BLVRA: variants seen among roughly 807,000 people sequenced by gnomAD.
BLVRA encodes BVR A.
BLVRA carries 22 observed loss-of-function variants against 32.8 expected under a neutral mutation model. The observed-to-expected ratio is 0.67, with a 90% confidence interval of 0.48 to 0.96. The LOEUF (loss-of-function observed/expected upper bound fraction) is 0.96, where lower values mean the gene tolerates loss of function less well. BLVRA is among the 40% of genes least tolerant of loss of function. The pLI, the probability that BLVRA is intolerant of heterozygous loss-of-function variation, is 0.00. For synonymous variants in BLVRA, 119 were observed against 141.3 expected (o/e 0.84, Z 1.12); for missense variants, 323 against 358.1 (o/e 0.90, Z 0.79).
intron 3 of BLVRA, among the ~76,000 whole-genome samples, chr7:43,790,556 T>G (rs1260463290): frequency 6.6e-6 from 1 of 152,200 alleles, no homozygotes; most frequent in Non-Finnish European, 1.5e-5. Flanking sequence ...ACCCTAAATG[T>G]GTTAACGTAT....
At chr7:43,759,892 T>A (rs1443446300) in intron 1 of BLVRA, 1 of 152,206 alleles carries the variant, frequency 6.6e-6, no homozygotes, top group Non-Finnish European at 1.5e-5. Context: ...AGGGAAATTC[T>A]GTAGCCAGAG....
intron 2 of BLVRA, among the ~76,000 whole-genome samples, chr7:43,777,301 T>C (rs1322026404): frequency 6.6e-6 from 1 of 151,520 alleles, no homozygotes; most frequent in Admixed American, 6.6e-5. Context: ...TTTCCATGTT[T>C]AGTGCTTCCT....
intron 1 of BLVRA, among the ~76,000 whole-genome samples, chr7:43,769,705 T>A (rs1028398475): frequency 6.6e-6 from 1 of 152,016 alleles, no homozygotes; most frequent in Non-Finnish European, 1.5e-5. Flanking sequence ...CCTCCCAGGT[T>A]CAAGCAATTC....
At chr7:43,784,134 C>G (rs1449383731) in intron 2 of BLVRA, among the ~76,000 whole-genome samples, 1 of 152,168 alleles carries the variant, frequency 6.6e-6, no homozygotes, top group East Asian at 1.9e-4. Flanking sequence ...CTTATGTGTC[C>G]TTTTCTGCTG....
chr7:43,780,952 G>A (rs1352762062), intron 2 of BLVRA, among the ~76,000 whole-genome samples: 3 of 152,184 alleles, frequency 2.0e-5, no homozygotes, highest in Non-Finnish European at 4.4e-5. Context: ...TTTGATACCA[G>A]CCTGGCCAAC....
At chr7:43,772,710 G>T (rs2095755973) in intron 2 of BLVRA, among the ~76,000 whole-genome samples, 6 of 152,232 alleles carry the variant, frequency 3.9e-5, no homozygotes, top group Admixed American at 3.9e-4. Context: ...TCTTCACAAG[G>T]TGGCAAGAAG....
chr7:43,767,352 C>A, intron 1 of BLVRA: 2 of 1,596,252 alleles, frequency 1.3e-6, no homozygotes, highest in Admixed American at 3.3e-5. Flanking sequence ...GAAAAGAAAG[C>A]TCATTAGCAT....
intron 2 of BLVRA, among the ~76,000 whole-genome samples, chr7:43,782,640 C>A (rs760472673): frequency 3.9e-5 from 6 of 151,918 alleles, no homozygotes; most frequent in Admixed American, 1.3e-4. Context: ...GAATGAGGGA[C>A]CCCCATATTC....
intron 1 of BLVRA, among the ~76,000 whole-genome samples, chr7:43,769,646 G>A (rs575285318): frequency 4.7e-5 from 7 of 150,322 alleles, no homozygotes; most frequent in East Asian, 2.0e-4. Context: ...TCACTCTGTC[G>A]CCCAGTCTGG....
At chr7:43,792,615 ACT>A in intron 4 of BLVRA, 98 bp from the exon 5 acceptor site, 4 of 1,162,214 alleles carry the variant, frequency 3.4e-6, no homozygotes, top group Non-Finnish European at 5.0e-6. Flanking sequence ...ACACACAGAA[ACT>A]CTCATGCCTT....
At chr7:43,791,736 A>C in intron 4 of BLVRA, 2 of 241,648 alleles carry the variant, frequency 8.3e-6, no homozygotes, top group East Asian at 1.1e-4. Context: ...AAATTATCAT[A>C]CTCCCTTCTC....
chr7:43,786,196 A>C (rs1171731302), intron 2 of BLVRA, among the ~76,000 whole-genome samples: 1 of 152,220 alleles, frequency 6.6e-6, no homozygotes. Flanking sequence ...TTGGGGAAAA[A>C]ATGTATTATG....
rs1318749847 is a variant in BLVRA, at chr7:43,787,890, C to G, written c.13-14C>G. On this transcript the variant is annotated splice_polypyrimidine_tract_variant and intron_variant, in intron 2 of 7. Coordinates refer to ENST00000265523, the MANE Select transcript of BLVRA (RefSeq NM_000712.4). This position sits in a 1 kb window ranked among gnomAD's most constrained non-coding sequence, Gnocchi z 4.5. ...CAGTGTTTTCAGACTCCACCTTGGT[C>G]CCTTGTGTTTCAGCCCGAGAGGAAG... The G allele has an allele frequency of 6.2e-7, 1 of 1,614,114 alleles. No individual in the cohort carries two copies.
chr7:43,759,342 T>C (rs2132537590), intron 1 of BLVRA, among the ~76,000 whole-genome samples: 1 of 152,376 alleles, frequency 6.6e-6, no homozygotes, highest in Admixed American at 6.5e-5. Flanking sequence ...CTCAGAAATA[T>C]GGCTAATAAT....
chr7:43,770,340 C>T (rs780021493), intron 1 of BLVRA, among the ~76,000 whole-genome samples: 21 of 152,130 alleles, frequency 1.4e-4, no homozygotes, highest in Non-Finnish European at 1.6e-4. Context: ...CTTTACAGGC[C>T]TCTGTTCTAC....
chr7:43,770,493 CA>C (rs2095753401), intron 1 of BLVRA, among the ~76,000 whole-genome samples: 1 of 152,118 alleles, frequency 6.6e-6, no homozygotes, highest in South Asian at 2.1e-4. Flanking sequence ...CAGAAATATG[CA>C]TTTTCAACAA....
At chr7:43,762,835 C>T (rs1302456169) in intron 1 of BLVRA, among the ~76,000 whole-genome samples, 2 of 152,042 alleles carry the variant, frequency 1.3e-5, no homozygotes, top group East Asian at 3.9e-4. Context: ...TGGTCTCGAT[C>T]TCTTGACCTC....
intron 2 of BLVRA, among the ~76,000 whole-genome samples, chr7:43,785,297 G>C (rs549276944): frequency 6.0e-5 from 9 of 150,618 alleles, no homozygotes; most frequent in Non-Finnish European, 1.2e-4. Flanking sequence ...TTTCTCCAGA[G>C]GCTGTCTTAC....
At chr7:43,761,335 A>G (rs2095742029) in intron 1 of BLVRA, among the ~76,000 whole-genome samples, 1 of 152,162 alleles carries the variant, frequency 6.6e-6, no homozygotes, top group Admixed American at 6.5e-5. Flanking sequence ...ATTCCAGGGG[A>G]AAAAAAGAAT....
Sources: allele counts gnomAD v4.1 joint callset (sites outside exome capture counted in the v4.1 genomes callset), GRCh38; gene constraint gnomAD v4.1.1; non-coding constraint Gnocchi (gnomAD v3.1); transcripts MANE v1.5; gene names NCBI Gene and HGNC (gene_info 2026-07-23, HGNC 2026-07-21).